Variants in MKNK1 observed in about 807,000 individuals in gnomAD.
MKNK1 encodes the protein MAPK interacting serine/threonine kinase 1.
Under a neutral mutation model 49.3 loss-of-function variants are expected in MKNK1, and 30 were observed. The observed-to-expected ratio is 0.61, with a 90% CI of 0.46 to 0.83. The LOEUF (loss-of-function observed/expected upper bound fraction) is 0.83, where lower values mean the gene tolerates loss of function less well. Among genes scored for constraint, MKNK1 ranks in the 40% least tolerant of loss-of-function variants. The probability of loss-of-function intolerance (pLI) is 0.00; values close to 1 mark genes in which losing one functional copy is unlikely to be tolerated. For missense variants in MKNK1, 423 were observed against 524.7 expected, an observed-to-expected ratio of 0.81 and a Z score of 1.89; for synonymous variants, 176 against 201.7, an observed-to-expected ratio of 0.87 and a Z score of 1.08.
Position 46,557,597 on chromosome 1 carries a change from A to AGGCTTCACCCTAGTGT in MKNK1, c.*962_*977dup, listed in dbSNP as rs1417574189. 1 of 152,668 alleles carries AGGCTTCACCCTAGTGT rather than the reference A, an allele frequency of 6.6e-6. No individual in the cohort carries two copies. The highest frequency in any genetic ancestry group is 6.5e-5 in the Admixed American group (1 of 15,284). The allele number at this position is 152,668 out of a possible 1,614,324, so 9.5% of individuals were successfully genotyped here. On this transcript the variant is annotated 3_prime_UTR_variant, in exon 13 of 13. Transcript: ENST00000371945. ...ACTGCATTGCTCAAACAGGGAAGTG[A>AGGCTTCACCCTAGTGT]GGCTTCACCCTAGTGTGGCTTCACC...
chr1:46,565,407 G>A, intron 8 of MKNK1: 2 of 460,860 alleles, frequency 4.3e-6, no homozygotes, highest in South Asian at 4.3e-5. Flanking sequence ...AAGGAAGTAT[G>A]GAACTCTTGC....
At chr1:46,567,268 T>C (rs150198546) in intron 8 of MKNK1, among the ~76,000 whole-genome samples, 1 of 152,316 alleles carries the variant, frequency 6.6e-6, no homozygotes, top group African/African-American at 2.4e-5. Context: ...TCGCCTTGCC[T>C]TTCCTCACGT....
At chr1:46,598,809 TGAGAGGCTGGAATATAAAC>T (rs1674384832) in intron 1 of MKNK1, among the ~76,000 whole-genome samples, 3 of 152,228 alleles carry the variant, frequency 2.0e-5, no homozygotes, top group Admixed American at 6.5e-5. Flanking sequence ...TCTGTAAGGA[TGAGAGGCTGGAATATAAAC>T]TCTAGTCTCT....
In MKNK1 at chr1:46,557,416, CAT is replaced by C. The variant is rs1252171360; in HGVS notation, c.*1157_*1158del. ...AAAAAGGACCACCAAATAGGCCACA[CAT>C]AGAATTTCAGTTTTATTAAAATAAG... On this transcript the variant is annotated 3_prime_UTR_variant, in exon 13 of 13. Coordinates refer to ENST00000371945, the MANE Select transcript of MKNK1 (RefSeq NM_001135553.4). 6.6e-6 allele frequency: 1 copy of C among 152,308 alleles called. No homozygotes were observed. The highest frequency in any genetic ancestry group is 1.5e-5 in the Non-Finnish European group (1 of 67,994). The allele number at this position is 152,308 out of a possible 1,614,324, so 9.4% of individuals were successfully genotyped here.
chr1:46,591,834 G>A (rs1432893570), intron 2 of MKNK1, among the ~76,000 whole-genome samples: 2 of 152,298 alleles, frequency 1.3e-5, no homozygotes, highest in East Asian at 3.9e-4. Context: ...AGTACTTTAT[G>A]AGCATTTCTA....
intron 2 of MKNK1, chr1:46,585,793 G>T: frequency 2.8e-6 from 2 of 718,050 alleles, no homozygotes; most frequent in Non-Finnish European, 4.7e-6. Flanking sequence ...GGAGCCGCTT[G>T]CACGAGAAGC....
intron 9 of MKNK1, among the ~76,000 whole-genome samples, chr1:46,564,635 C>G (rs2148581822): frequency 6.6e-6 from 1 of 151,968 alleles, no homozygotes; most frequent in South Asian, 2.1e-4. Flanking sequence ...CGCCACCATG[C>G]CTGGCTAATT....
intron 8 of MKNK1, among the ~76,000 whole-genome samples, chr1:46,567,858 C>T (rs572951969): frequency 5.3e-5 from 8 of 152,332 alleles, no homozygotes; most frequent in African/African-American, 1.4e-4. Context: ...TGGTGGCTCA[C>T]GTTTGCAATC....
At chr1:46,587,583 C>T (rs190414278) in intron 2 of MKNK1, among the ~76,000 whole-genome samples, 314 of 152,128 alleles carry the variant, frequency 2.1e-3, no homozygotes, top group African/African-American at 6.4e-3. Flanking sequence ...TTTGGGAGGC[C>T]GAGGCAGGCA....
At chr1:46,599,704 C>T (rs767984088) in intron 1 of MKNK1, among the ~76,000 whole-genome samples, 6 of 152,202 alleles carry the variant, frequency 3.9e-5, no homozygotes, top group Non-Finnish European at 8.8e-5. Context: ...CCTTTGAACT[C>T]AGCACTGCTA....
Position 46,568,435 on chromosome 1 carries a change from C to G in MKNK1, c.513+8G>C. The G allele has an allele frequency of 6.2e-7, 1 of 1,613,700 alleles. No homozygotes were observed. Among genetic ancestry groups the G allele is most frequent in the East Asian group, 2.2e-5 (1 of 44,866 alleles). On this transcript the variant is annotated splice_region_variant and intron_variant, in intron 8 of 12. Coordinates refer to ENST00000371945, the MANE Select transcript of MKNK1 (RefSeq NM_001135553.4). ...AAACTATAACATTCCAAATCAGGCC[C>G]AAAGTACCTTTTCTGGAGATTCACA...
At chr1:46,560,846 T>G (rs1667832210) in intron 11 of MKNK1, among the ~76,000 whole-genome samples, 1 of 152,172 alleles carries the variant, frequency 6.6e-6, no homozygotes, top group Non-Finnish European at 1.5e-5. Flanking sequence ...GCTTGCCTCC[T>G]TCCACTGGTA....
chr1:46,603,976 G>A (rs1343903622), intron 1 of MKNK1, among the ~76,000 whole-genome samples: 1 of 152,082 alleles, frequency 6.6e-6, no homozygotes, highest in East Asian at 1.9e-4. Context: ...CTCGGACACC[G>A]GCCACGCCCC....
intron 10 of MKNK1, among the ~76,000 whole-genome samples, chr1:46,562,219 C>A (rs891164375): frequency 6.6e-6 from 1 of 151,856 alleles, no homozygotes; most frequent in African/African-American, 2.4e-5. Flanking sequence ...CACGATGAAA[C>A]CCCGTCTCTA....
At chr1:46,591,271 A>C (rs553109108) in intron 2 of MKNK1, among the ~76,000 whole-genome samples, 73 of 152,280 alleles carry the variant, frequency 4.8e-4, no homozygotes, top group African/African-American at 1.6e-3. Flanking sequence ...GTGTGAGGGG[A>C]GGCTGGGCTG....
At chr1:46,597,162 G>A (rs184902162) in intron 1 of MKNK1, among the ~76,000 whole-genome samples, 4 of 152,034 alleles carry the variant, frequency 2.6e-5, no homozygotes, top group South Asian at 4.2e-4. Flanking sequence ...CAGATCCATC[G>A]GCCTGCAGCT....
At chr1:46,593,315 C>T (rs530727327) in intron 2 of MKNK1, among the ~76,000 whole-genome samples, 2 of 152,320 alleles carry the variant, frequency 1.3e-5, no homozygotes, top group African/African-American at 4.8e-5. Context: ...CCTCTTGCCT[C>T]AGCCTCCCAA....
At chr1:46,586,158 C>A in intron 2 of MKNK1, 1 of 351,834 alleles carries the variant, frequency 2.8e-6, no homozygotes, top group African/African-American at 2.1e-5. Flanking sequence ...GGCCTTAATT[C>A]ATCATGCAAA....
chr1:46,571,677 A>G (rs1670173029), intron 7 of MKNK1: 3 of 342,690 alleles, frequency 8.8e-6, no homozygotes, highest in Non-Finnish European at 1.7e-5. Flanking sequence ...AGAAGGAATA[A>G]CATCAAGATA....
Sources: gnomAD v4.1 joint callset for allele counts (sites outside exome capture counted in the v4.1 genomes callset) on GRCh38, gnomAD v4.1.1 for gene constraint, MANE v1.5 for transcripts, NCBI Gene and HGNC (gene_info 2026-07-23, HGNC 2026-07-21) for gene names.